The following ERCC6 variants were observed in gnomAD, a reference collection of about 807,000 sequenced individuals.
The protein encoded by ERCC6 is ERCC excision repair 6, chromatin remodeling factor, also known as DNA excision repair protein ERCC-6.
ERCC6 carries 116 observed loss-of-function variants against 158.7 expected under a neutral mutation model. The ratio of observed to expected loss-of-function variants is 0.73; its 90% CI spans 0.63 to 0.85. The LOEUF is 0.85. Among genes scored for constraint, ERCC6 ranks in the 40% least tolerant of loss-of-function variants. The pLI is 0.00. For synonymous variants in ERCC6, 678 were observed against 659.3 expected (o/e 1.03, Z -0.43); for missense variants, 1,698 against 1,799.4 (o/e 0.94, Z 1.02).
rs747413351 is a variant in ERCC6 at position 49,473,007 on chromosome 10, G to C, written c.2731C>G (p.Leu911Val). 18 of 1,613,996 alleles carry C rather than the reference G, an allele frequency of 1.1e-5. No individual in the cohort carries two copies. Among genetic ancestry groups the C allele is most frequent in the Non-Finnish European group, 1.4e-5 (17 of 1,180,028 alleles). ...AAGCCGCCCACCCGCGTGGTCAGAA[G>C]AAACACAAATATGGATGTGTCCTAG... The part of the protein sequence containing the change: ...YNEDTSIFVF[L>V]LTTRVGGLGV... The change falls in exon 15 of 21, where the codon CTT becomes GTT. Residue 911 changes from leucine (L) to valine (V), a missense_variant. Transcript: ENST00000355832.
the ERCC6 span, among the ~76,000 whole-genome samples, chr10:49,441,067 G>T: frequency 2.0e-5 from 3 of 152,194 alleles, no homozygotes; most frequent in African/African-American, 7.2e-5. Flanking sequence ...TGAAGAAAAG[G>T]CTGGCTGATG....
At chr10:49,517,834 G>A (rs1382595854) in intron 5 of ERCC6, among the ~76,000 whole-genome samples, 2 of 152,128 alleles carry the variant, frequency 1.3e-5, no homozygotes, top group East Asian at 3.9e-4. Context: ...ATGAGCCATT[G>A]TGCCCGGCCA....
rs745823725 is a variant in ERCC6 at position 49,461,552 on chromosome 10, G to A, written c.3783C>T (p.Gly1261=). The A allele has an allele frequency of 2.0e-5, 33 of 1,612,764 alleles. No individual in the cohort carries two copies. The highest frequency in any genetic ancestry group is 4.5e-5 in the East Asian group (2 of 44,858). The change falls in exon 19 of 21, where the codon GGC becomes GGT. Residue 1261 remains glycine (G), a synonymous_variant. Coordinates refer to ENST00000355832, the MANE Select transcript of ERCC6 (RefSeq NM_000124.4). ...CATCGTGCTTCATGACACTGTGCAC[G>A]CCAACTAGCAAGAAAAGAAATAGCA... ...VLEKLFKKSV[G]VHSVMKHDAI...
intron 4 of ERCC6, among the ~76,000 whole-genome samples, chr10:49,526,937 A>T (rs763434593): frequency 1.3e-5 from 2 of 152,216 alleles, no homozygotes; most frequent in Non-Finnish European, 2.9e-5. Flanking sequence ...ATAACCAGGG[A>T]GAGGCAGTAG....
chr10:49,440,852 G>T, the ERCC6 span, among the ~76,000 whole-genome samples: 5 of 152,218 alleles, frequency 3.3e-5, no homozygotes, highest in African/African-American at 1.2e-4. Flanking sequence ...TGATGGCATG[G>T]CCTCTCTGTT....
At chr10:49,493,085 C>T in intron 8 of ERCC6, 32 bp downstream of exon 8, 1 of 1,611,946 alleles carries the variant, frequency 6.2e-7, no homozygotes, top group Non-Finnish European at 8.5e-7. Context: ...GGCATTAAAA[C>T]AAAACAAAAA....
intron 5 of ERCC6, chr10:49,515,321 T>C (rs2132596327): frequency 6.3e-7 from 1 of 1,592,864 alleles, no homozygotes; most frequent in Non-Finnish European, 8.6e-7. Context: ...TCTCAGGAGG[T>C]GGTGACACCT....
rs781663379 is a variant in ERCC6, at chr10:49,532,543, G to A, written c.422C>T (p.Thr141Met). ...KEYRSVLDDLTSCTTSLRQIN... is the reference protein window; with the variant it reads ...KEYRSVLDDLMSCTTSLRQIN... ...AAGGAAGAAGATGGGCTGCACTCAC[G>A]TGAGGTCATCCAGGACCGACCGATA... Residue 141 changes from threonine to methionine, a missense_variant and splice_region_variant, in exon 2 of 21, where the codon ACG becomes ATG. By Grantham distance (81) the Thr-to-Met change is moderately conservative. Transcript: ENST00000355832. The A allele has an allele frequency of 7.4e-6, 12 of 1,613,650 alleles. No homozygotes were observed. Among genetic ancestry groups the A allele is most frequent in the African/African-American group, 1.3e-5 (1 of 74,938 alleles).
At position 49,491,418 on chromosome 10, in the gene ERCC6, T is replaced by C. The variant is rs577630302; in HGVS notation, c.1821+1699A>G. Among the ~76,000 whole-genome samples the C allele has an allele frequency of 5.9e-5, 9 of 152,296 alleles. No homozygotes were observed. The South Asian group carries it at 1.9e-3, about 32-fold the overall frequency. On this transcript the variant is annotated intron_variant, in intron 8 of 20. Coordinates refer to ENST00000355832, the MANE Select transcript of ERCC6 (RefSeq NM_000124.4). ...AATGCTGTTTTTCCTCAAAAGTTAA[T>C]TAAGAATCTTCAAGTTAGAGTCCTT...
chr10:49,539,316 G>C (rs1039306150), upstream of ERCC6: 1 of 152,334 alleles, frequency 6.6e-6, no homozygotes, highest in Non-Finnish European at 1.5e-5. Flanking sequence ...AGTTATGAAA[G>C]TTAAGACATA....
intron 8 of ERCC6, among the ~76,000 whole-genome samples, chr10:49,487,596 T>C (rs1389082668): frequency 6.6e-6 from 1 of 152,190 alleles, no homozygotes; most frequent in East Asian, 1.9e-4. Flanking sequence ...TGGTCAGACC[T>C]GCGACCTTTA....
chr10:49,457,546 A>C lies in ERCC6; in HGVS notation c.*1269T>G, dbSNP rs1174443717. On this transcript the variant is annotated 3_prime_UTR_variant, in exon 21 of 21. Coordinates refer to ENST00000355832, the MANE Select transcript of ERCC6 (RefSeq NM_000124.4). ...ATGAGCAGACAGAAGATCTGGACAC[A>C]GCTATCCATGTTAAGCATGAGAGAG... 6.6e-6 allele frequency: 1 copy of C among 152,234 alleles called. No homozygotes were observed. Among genetic ancestry groups the C allele is most frequent in the Admixed American group, 6.5e-5 (1 of 15,278 alleles). 9.4% of individuals were successfully genotyped at this position (152,234 alleles called of 1,614,324 possible). A position where few individuals can be genotyped will look rare whatever the true frequency, so the allele number is the denominator to read the frequency against.
At chr10:49,525,224 T>G in intron 4 of ERCC6, 1 of 190,906 alleles carries the variant, frequency 5.2e-6, no homozygotes, top group Non-Finnish European at 1.1e-5. Flanking sequence ...GATCACCATG[T>G]ACCTAAAAAG....
chr10:49,493,915 G>A (rs771405607), intron 7 of ERCC6, among the ~76,000 whole-genome samples: 14 of 152,220 alleles, frequency 9.2e-5, no homozygotes, highest in Non-Finnish European at 1.3e-4. Context: ...AGCCCACACC[G>A]ACAGTGTACA....
chr10:49,477,242 C>T (rs540086233), intron 11 of ERCC6, among the ~76,000 whole-genome samples: 1 of 152,272 alleles, frequency 6.6e-6, no homozygotes, highest in African/African-American at 2.4e-5. Flanking sequence ...CCCTGGTTTT[C>T]ACTCCCTAAC....
chr10:49,479,916 C>A (rs1265727174), intron 10 of ERCC6, among the ~76,000 whole-genome samples: 11 of 152,236 alleles, frequency 7.2e-5, no homozygotes, highest in Non-Finnish European at 1.6e-4. Flanking sequence ...ATGCTCACAT[C>A]CCAGTGCTGT....
chr10:49,469,298 T>TA (rs985361287), intron 18 of ERCC6, among the ~76,000 whole-genome samples: 3 of 152,082 alleles, frequency 2.0e-5, no homozygotes, highest in Non-Finnish European at 4.4e-5. Flanking sequence ...AATCAACTTG[T>TA]AATAGGTCAA....
At chr10:49,482,884 C>T (rs201487601) in intron 9 of ERCC6, 21 bp from the exon 10 acceptor site, 4 of 1,613,786 alleles carry the variant, frequency 2.5e-6, no homozygotes, top group African/African-American at 1.3e-5. Flanking sequence ...AAAGGAAGCA[C>T]CTTTTTATTA....
chr10:49,538,742 T>C (rs942514141), intron 1 of ERCC6, among the ~76,000 whole-genome samples: 1 of 152,192 alleles, frequency 6.6e-6, no homozygotes, highest in African/African-American at 2.4e-5. Context: ...GGCCAGGGAC[T>C]CAAGCCGCCT....
Sources: allele counts gnomAD v4.1 joint callset (sites outside exome capture counted in the v4.1 genomes callset), GRCh38; gene constraint gnomAD v4.1.1; transcripts MANE v1.5; gene names NCBI Gene and HGNC (gene_info 2026-07-23, HGNC 2026-07-21).